KAZN: variants seen among roughly 807,000 people sequenced by gnomAD.
KAZN encodes the protein kazrin, periplakin interacting protein.
KAZN carries 40 observed loss-of-function variants against 87.4 expected under a neutral mutation model. The observed-to-expected ratio is 0.46, with a 90% CI of 0.36 to 0.60. The LOEUF (loss-of-function observed/expected upper bound fraction) is 0.60. Among genes scored for constraint, KAZN ranks in the 20% least tolerant of loss-of-function variants. KAZN has a pLI of 0.00. For synonymous variants in KAZN, 466 were observed against 458.3 expected (o/e 1.02, Z -0.22); for missense variants, 898 against 1,073.9 (o/e 0.84, Z 2.29).
At chr1:14,992,280 A>G (rs1320576033) in intron 2 of KAZN, among the ~76,000 whole-genome samples, 1 of 152,180 alleles carries the variant, frequency 6.6e-6, no homozygotes, top group African/African-American at 2.4e-5. Context: ...AGGACACAAG[A>G]TGGGAGCACT....
At chr1:14,023,977 C>T (rs79150782) in intron 1 of KAZN, among the ~76,000 whole-genome samples, 3,219 of 152,254 alleles carry the variant, frequency 0.021, 111 homozygotes, top group African/African-American at 0.073. Flanking sequence ...GGACAGTACA[C>T]GGATCCCGAA....
At chr1:14,246,885 A>C (rs4661479) in intron 2 of KAZN, among the ~76,000 whole-genome samples, 76,397 of 151,610 alleles carry the variant, frequency 0.5, 21,242 homozygotes, top group African/African-American at 0.73. Context: ...GCAGCTTTGT[A>C]AAAATGTCTC....
At chr1:14,298,595 C>T (rs536064288) in intron 2 of KAZN, among the ~76,000 whole-genome samples, 1 of 152,198 alleles carries the variant, frequency 6.6e-6, no homozygotes, top group East Asian at 1.9e-4. Context: ...CATTTAATTA[C>T]TTCAGGTATT....
intron 1 of KAZN, among the ~76,000 whole-genome samples, chr1:14,151,340 C>G (rs576729565): frequency 6.6e-6 from 1 of 152,044 alleles, no homozygotes; most frequent in Admixed American, 6.6e-5. Context: ...AAATTTAGTG[C>G]CCCAGAAAGG....
chr1:14,293,388 C>G (rs1050847028), intron 2 of KAZN, among the ~76,000 whole-genome samples: 1 of 152,176 alleles, frequency 6.6e-6, no homozygotes, highest in African/African-American at 2.4e-5. Flanking sequence ...GTGCTTTCTT[C>G]CTCTTCTTCT....
chr1:15,110,141 TTGTGTATG>T (rs1225841512), intron 13 of KAZN, among the ~76,000 whole-genome samples: 5 of 151,110 alleles, frequency 3.3e-5, no homozygotes, highest in Non-Finnish European at 7.4e-5. Flanking sequence ...GTCTGTGTAT[TTGTGTATG>T]TGTGTGCATA....
At chr1:14,297,101 C>A (rs1654183639) in intron 2 of KAZN, among the ~76,000 whole-genome samples, 1 of 152,108 alleles carries the variant, frequency 6.6e-6, no homozygotes, top group Non-Finnish European at 1.5e-5. Flanking sequence ...CTGCAAGGAA[C>A]AGAAAACCTG....
chr1:14,479,778 G>A (rs1367599702), intron 2 of KAZN, among the ~76,000 whole-genome samples: 2 of 152,126 alleles, frequency 1.3e-5, no homozygotes, highest in Non-Finnish European at 2.9e-5. Context: ...GGAGGACCTG[G>A]GACGTGGGAG....
At chr1:13,982,549 G>A (rs764476141) in intron 1 of KAZN, among the ~76,000 whole-genome samples, 1 of 152,200 alleles carries the variant, frequency 6.6e-6, no homozygotes, top group Non-Finnish European at 1.5e-5. Flanking sequence ...GACCCGAGGT[G>A]GTTGCCACTG....
At chr1:14,281,161 C>A (rs1329793533) in intron 2 of KAZN, among the ~76,000 whole-genome samples, 1 of 152,128 alleles carries the variant, frequency 6.6e-6, no homozygotes, top group African/African-American at 2.4e-5. Flanking sequence ...GCTTGGTTTC[C>A]TTTGATCTAG....
At chr1:14,794,576 C>A (rs757785872) in intron 1 of KAZN, among the ~76,000 whole-genome samples, 15 of 152,172 alleles carry the variant, frequency 9.9e-5, no homozygotes, top group Non-Finnish European at 1.9e-4. Context: ...TGCCAATTTC[C>A]TTGATGTAAA....
In KAZN at chr1:14,112,401, C is replaced by T. The variant is rs1259866056; in HGVS notation, c.92-68034C>T. ...CACCGTTACTTGGGTGAGGAGCTGC[C>T]TGCATCCCTCCCACTCCTCTTTGGC... On this transcript the variant is annotated intron_variant, in intron 1 of 16. Transcript: ENST00000636203. Among the ~76,000 whole-genome samples, 4 of 77,910 alleles carry T rather than the reference C, an allele frequency of 5.1e-5. 1 individual carries two copies. Among genetic ancestry groups the T allele is most frequent in the South Asian group, 4.4e-4 (1 of 2,288 alleles). 51.1% of individuals were successfully genotyped at this position (77,910 alleles called of 152,430 possible). A position where few individuals can be genotyped will look rare whatever the true frequency, so the allele number is the denominator to read the frequency against.
chr1:14,692,601 T>C (rs1002716496), intron 1 of KAZN: 3 of 153,264 alleles, frequency 2.0e-5, no homozygotes, highest in Non-Finnish European at 4.4e-5. Flanking sequence ...GTTGGCCTCA[T>C]GCAAGGGTTG....
intron 1 of KAZN, among the ~76,000 whole-genome samples, chr1:14,772,868 T>TC (rs1369373659): frequency 6.6e-6 from 1 of 152,096 alleles, no homozygotes; most frequent in East Asian, 1.9e-4. Context: ...CTGAGAATTT[T>TC]CCCCCAGAAT....
chr1:14,464,088 A>G (rs1667988965), intron 2 of KAZN, among the ~76,000 whole-genome samples: 3 of 152,212 alleles, frequency 2.0e-5, no homozygotes, highest in African/African-American at 7.2e-5. Flanking sequence ...CCAGGAGGCA[A>G]AGACCTGTGC....
intron 2 of KAZN, among the ~76,000 whole-genome samples, chr1:15,020,785 T>C (rs1416097996): frequency 3.3e-5 from 5 of 152,142 alleles, no homozygotes; most frequent in African/African-American, 1.2e-4. Flanking sequence ...TATACCCAGG[T>C]AGGAACTCTT....
chr1:14,635,992 G>A (rs1335466469), intron 1 of KAZN, among the ~76,000 whole-genome samples: 2 of 152,254 alleles, frequency 1.3e-5, no homozygotes, highest in Non-Finnish European at 2.9e-5. Context: ...AATCACGGCT[G>A]TTGAGTAAAG....
At chr1:15,084,056 C>G (rs1052727732) in intron 8 of KAZN, among the ~76,000 whole-genome samples, 1 of 152,170 alleles carries the variant, frequency 6.6e-6, no homozygotes, top group Non-Finnish European at 1.5e-5. Flanking sequence ...ACTGAGGCTT[C>G]CCAAAGGAAT....
At chr1:14,347,631 G>A (rs969344958) in intron 2 of KAZN, among the ~76,000 whole-genome samples, 4 of 152,138 alleles carry the variant, frequency 2.6e-5, no homozygotes, top group African/African-American at 9.7e-5. Flanking sequence ...AAAAGAGTGT[G>A]TATACAATGA....
Sources: allele counts gnomAD v4.1 joint callset (sites outside exome capture counted in the v4.1 genomes callset), GRCh38; gene constraint gnomAD v4.1.1; transcripts MANE v1.5; gene names NCBI Gene and HGNC (gene_info 2026-07-23, HGNC 2026-07-21).